The following ISM1 variants were observed in gnomAD, a reference collection of about 807,000 sequenced individuals.
The protein encoded by ISM1 is isthmin 1, also known as isthmin-1.
A neutral mutation model predicts 46.3 loss-of-function variants in ISM1; 25 were observed. The ratio of observed to expected loss-of-function variants is 0.54; its 90% CI spans 0.39 to 0.75. ISM1 has a LOEUF of 0.75. Among genes scored for constraint, ISM1 ranks in the 30% least tolerant of loss-of-function variants. The probability of loss-of-function intolerance (pLI) is 0.00; values close to 1 mark genes in which losing one functional copy is unlikely to be tolerated. For synonymous variants in ISM1, 255 were observed against 256.7 expected, an observed-to-expected ratio of 0.99 and a Z score of 0.06; for missense variants, 536 against 625.4, an observed-to-expected ratio of 0.86 and a Z score of 1.52.
In ISM1 at chr20:13,221,593, C is replaced by T. The variant is rs1372544306; in HGVS notation, c.-184C>T. 2.7e-5 allele frequency among the ~76,000 whole-genome samples: 4 copies of T among 146,298 alleles called. No homozygotes were observed. In the East Asian group the frequency reaches 6.1e-4, roughly 22 times the overall value. On this transcript the variant is annotated 5_prime_UTR_variant, in exon 1 of 6. Coordinates refer to ENST00000262487, the MANE Select transcript of ISM1 (RefSeq NM_080826.2). ...GCGGCGGCGCCGGCAGCTCCTGCTCCCCCGGCCCCGCACACCCCGCCGCGC... is the reference window on the plus strand; with the variant it reads ...GCGGCGGCGCCGGCAGCTCCTGCTCTCCCGGCCCCGCACACCCCGCCGCGC...
rs1050347849 is a variant in ISM1, at chr20:13,299,718, G to A, written c.*259G>A. 2.7e-6 allele frequency: 1 copy of A among 374,964 alleles called. No individual in the cohort carries two copies. Among genetic ancestry groups the A allele is most frequent in the African/African-American group, 2.0e-5 (1 of 50,530 alleles). 23.2% of individuals were successfully genotyped at this position (374,964 alleles called of 1,614,324 possible). On this transcript the variant is annotated 3_prime_UTR_variant, in exon 6 of 6. Transcript: ENST00000262487. The surrounding 1 kb of genome is among the most constrained non-coding windows in gnomAD (Gnocchi z 5.8). ...TGGGCAGAAGGATGGGGACAACTTGGAAGCCAGAAGAAGAACCTGGAAGCC... is the reference window on the plus strand; with the variant it reads ...TGGGCAGAAGGATGGGGACAACTTGAAAGCCAGAAGAAGAACCTGGAAGCC...
At chr20:13,257,958 A>G (rs532508994) in intron 1 of ISM1, among the ~76,000 whole-genome samples, 2 of 152,238 alleles carry the variant, frequency 1.3e-5, no homozygotes, top group Non-Finnish European at 2.9e-5. Context: ...CAAGGATTTC[A>G]TAGCCTACTT....
At chr20:13,282,778 C>CG (rs1354301628) in intron 3 of ISM1, among the ~76,000 whole-genome samples, 1 of 152,178 alleles carries the variant, frequency 6.6e-6, no homozygotes, top group Non-Finnish European at 1.5e-5. Context: ...TGAATAGCCC[C>CG]GGGCCTTGTT....
At chr20:13,302,312 C>A (rs75407147), downstream of ISM1, among the ~76,000 whole-genome samples, 1,880 of 152,288 alleles carry the variant, frequency 0.012, 32 homozygotes, top group African/African-American at 0.036. Flanking sequence ...ACTGAGAACA[C>A]CCTGGTCTCC....
intron 2 of ISM1, among the ~76,000 whole-genome samples, chr20:13,277,491 G>A (rs889450471): frequency 7.2e-5 from 11 of 152,050 alleles, no homozygotes; most frequent in South Asian, 2.1e-4. Context: ...AGCTTGGCTC[G>A]GCTCTACCCA....
At chr20:13,237,637 G>C (rs1223431890) in intron 1 of ISM1, among the ~76,000 whole-genome samples, 1 of 152,170 alleles carries the variant, frequency 6.6e-6, no homozygotes, top group South Asian at 2.1e-4. Flanking sequence ...GGTTGCCTAG[G>C]TGTCTTCAGT....
At chr20:13,295,187 T>C (rs1356963134) in intron 5 of ISM1, among the ~76,000 whole-genome samples, 2 of 152,196 alleles carry the variant, frequency 1.3e-5, no homozygotes, top group Non-Finnish European at 2.9e-5. Flanking sequence ...GCCTGGCAGC[T>C]GTAACTCTCT....
At position 13,283,710 on chromosome 20, in the gene ISM1, T is replaced by TCTAA. The variant is rs1425597752; in HGVS notation, c.643+3814_643+3817dup. Among the ~76,000 whole-genome samples the TCTAA allele has an allele frequency of 4.6e-5, 7 of 152,324 alleles. No individual in the cohort carries two copies. The East Asian group carries it at 1.4e-3, about 29-fold the overall frequency. ...AGAGTTCCAAATAAATATGTTTTGG[T>TCTAA]CTAACAGTAGTATACCATTTCCAGA... is the stretch of plus-strand genomic sequence containing the variant. On this transcript the variant is annotated intron_variant, in intron 3 of 5. Coordinates refer to ENST00000262487, the MANE Select transcript of ISM1 (RefSeq NM_080826.2).
intron 1 of ISM1, among the ~76,000 whole-genome samples, chr20:13,225,317 A>C (rs2123121418): frequency 6.6e-6 from 1 of 152,290 alleles, no homozygotes; most frequent in Admixed American, 6.5e-5. Context: ...TTTGAAGCAT[A>C]TTTCTACTGC....
downstream of ISM1, among the ~76,000 whole-genome samples, chr20:13,304,866 C>T (rs1166997813): frequency 6.6e-6 from 1 of 152,144 alleles, no homozygotes; most frequent in African/African-American, 2.4e-5. Flanking sequence ...CCTTGCCTTC[C>T]CCATCTCTCT....
Position 13,222,539 on chromosome 20 carries a change from A to C in ISM1, c.138+625A>C, listed in dbSNP as rs554957895. On this transcript the variant is annotated intron_variant, in intron 1 of 5. Transcript: ENST00000262487. ...CCCCTTGGTCATGGGGAAGGTGCAG[A>C]GTGAAGGCACCGGTAGTGATTTGGG... is the stretch of plus-strand genomic sequence containing the variant. 7.2e-5 allele frequency among the ~76,000 whole-genome samples: 11 copies of C among 151,944 alleles called. No individual in the cohort carries two copies. In the South Asian group the frequency reaches 2.3e-3, roughly 32 times the overall value.
chr20:13,308,173 G>A, the ISM1 span, among the ~76,000 whole-genome samples: 738 of 152,228 alleles, frequency 4.8e-3, 3 homozygotes, highest in Non-Finnish European at 6.8e-3. Context: ...ACTGTGCTGC[G>A]TGCTGGGGAC....
At chr20:13,293,643 G>A (rs768923862) in intron 5 of ISM1, among the ~76,000 whole-genome samples, 1 of 152,198 alleles carries the variant, frequency 6.6e-6, no homozygotes, top group Middle Eastern at 3.4e-3. Context: ...AGACAAATAA[G>A]AAAGTCTGGA....
intron 5 of ISM1, among the ~76,000 whole-genome samples, chr20:13,298,477 T>A (rs6078979): frequency 0.1 from 15,750 of 152,284 alleles, 1,060 homozygotes; most frequent in Middle Eastern, 0.16. Flanking sequence ...TTAGGAGTGA[T>A]AATCGGATCA....
chr20:13,304,656 C>A (rs1364444735), downstream of ISM1, among the ~76,000 whole-genome samples: 3 of 152,166 alleles, frequency 2.0e-5, no homozygotes, highest in African/African-American at 7.2e-5. Context: ...GAGTGCCTGT[C>A]AGTCAACTGT....
At chr20:13,314,986 T>A in the ISM1 span, among the ~76,000 whole-genome samples, 1 of 151,960 alleles carries the variant, frequency 6.6e-6, no homozygotes, top group Non-Finnish European at 1.5e-5. Context: ...TAGTTGTAAA[T>A]GTACATTGCA....
At chr20:13,283,036 TTTTA>T (rs2040254630) in intron 3 of ISM1, among the ~76,000 whole-genome samples, 1 of 152,168 alleles carries the variant, frequency 6.6e-6, no homozygotes, top group Non-Finnish European at 1.5e-5. Flanking sequence ...CTTTCTGTTT[TTTTA>T]TTTATTTAAT....
At chr20:13,238,311 T>C (rs2039676373) in intron 1 of ISM1, among the ~76,000 whole-genome samples, 2 of 152,142 alleles carry the variant, frequency 1.3e-5, no homozygotes, top group South Asian at 4.1e-4. Flanking sequence ...GCTCTGAAAG[T>C]TCTTGAGAAG....
chr20:13,253,688 C>T (rs1007712976), intron 1 of ISM1, among the ~76,000 whole-genome samples: 2 of 151,994 alleles, frequency 1.3e-5, no homozygotes, highest in Non-Finnish European at 2.9e-5. Context: ...CATTTCCAGG[C>T]GATTCCAACA....
Sources: gnomAD v4.1 joint callset for allele counts (sites outside exome capture counted in the v4.1 genomes callset) on GRCh38, gnomAD v4.1.1 for gene constraint, Gnocchi (gnomAD v3.1) non-coding constraint, MANE v1.5 for transcripts, NCBI Gene and HGNC (gene_info 2026-07-23, HGNC 2026-07-21) for gene names.